The following SMCHD1 variants were observed in gnomAD, a reference collection of about 807,000 sequenced individuals.
The protein encoded by SMCHD1 is structural maintenance of chromosomes flexible hinge domain-containing protein 1.
In SMCHD1, 78 loss-of-function variants were observed where a neutral mutation model predicts 254.7. That is an observed-to-expected ratio of 0.31 (90% confidence interval 0.26 to 0.37). The LOEUF (loss-of-function observed/expected upper bound fraction) is 0.37, where lower values mean the gene tolerates loss of function less well. Ranked by LOEUF, SMCHD1 falls within the 10% of genes least tolerant of loss-of-function variation. The pLI is 1.00. For missense variants in SMCHD1, 1,840 were observed against 2,408.1 expected (o/e 0.76, Z 4.94); for synonymous variants, 766 against 794.9 (o/e 0.96, Z 0.61).
At chr18:2,689,419 C>T (rs1009702493) in intron 7 of SMCHD1, among the ~76,000 whole-genome samples, 1 of 151,804 alleles carries the variant, frequency 6.6e-6, no homozygotes, top group African/African-American at 2.4e-5. Context: ...CAGTGTTTCA[C>T]CATGTTGGCC....
In SMCHD1 at chr18:2,739,419, T is replaced by G; in HGVS notation, c.3426-13T>G. On this transcript the variant is annotated splice_polypyrimidine_tract_variant and intron_variant, in intron 26 of 47. Coordinates refer to ENST00000320876, the MANE Select transcript of SMCHD1 (RefSeq NM_015295.3). ...GTGTCACTAAAGACTTCTAACTTGT[T>G]AAACAATTTCAGACCACTTCCTGAT... 6.2e-7 allele frequency: 1 copy of G among 1,609,056 alleles called. No homozygotes were observed. The highest frequency in any genetic ancestry group is 8.5e-7 in the Non-Finnish European group (1 of 1,175,934).
chr18:2,747,968 A>C (rs954188243), intron 30 of SMCHD1, among the ~76,000 whole-genome samples: 1 of 152,228 alleles, frequency 6.6e-6, no homozygotes, highest in Non-Finnish European at 1.5e-5. Flanking sequence ...GAAGACAGAT[A>C]TCACAGTGAC....
intron 1 of SMCHD1, among the ~76,000 whole-genome samples, chr18:2,656,979 C>T (rs912679975): frequency 6.6e-6 from 1 of 152,156 alleles, no homozygotes; most frequent in Non-Finnish European, 1.5e-5. Context: ...TGAAAATGAA[C>T]GTGGAGGGAA....
At chr18:2,766,001 C>CTTTTTTTTTTTTTTT (rs199648859) in intron 37 of SMCHD1, among the ~76,000 whole-genome samples, 1 of 135,880 alleles carries the variant, frequency 7.4e-6, no homozygotes, top group Non-Finnish European at 1.6e-5. Flanking sequence ...GTCCAGTTTT[C>CTTTTTTTTTTTTTTT]TTTTTTTTTG....
In SMCHD1 at chr18:2,718,340, T is replaced by C. The variant is rs1223225455; in HGVS notation, c.2364T>C (p.Tyr788=). The change falls in exon 19 of 48, where the codon TAT becomes TAC. Residue 788 remains tyrosine, a synonymous_variant. Transcript: ENST00000320876. The surrounding 1 kb of genome is among the most constrained non-coding windows in gnomAD (Gnocchi z 4.6). ...AAAATATTCAGAAGTTGGGGAATTA[T>C]ACCTTGAAATTACAAGTTGTGTTGA... The part of the protein sequence containing the change: ...KMENIQKLGN[Y]TLKLQVVLNE... The C allele has an allele frequency of 1.1e-5, 18 of 1,611,400 alleles. No homozygotes were observed. Among genetic ancestry groups the C allele is most frequent in the Non-Finnish European group, 1.5e-5 (18 of 1,178,000 alleles).
At chr18:2,735,890 T>G (rs1354088391) in intron 25 of SMCHD1, among the ~76,000 whole-genome samples, 1 of 152,084 alleles carries the variant, frequency 6.6e-6, no homozygotes, top group Non-Finnish European at 1.5e-5. Flanking sequence ...TTTCACAGAA[T>G]TGGAAAAAAG....
intron 25 of SMCHD1, among the ~76,000 whole-genome samples, chr18:2,737,054 A>C (rs749952600): frequency 7.2e-5 from 11 of 152,226 alleles, no homozygotes; most frequent in Non-Finnish European, 1.3e-4. Context: ...AAAAAAGAAC[A>C]AAATCATGTC....
chr18:2,762,232 T>G lies in SMCHD1; in HGVS notation c.4562T>G (p.Ile1521Ser). Reference protein sequence around the residue: ...RTLVRDLHLSITDDYDNHTGI... With the variant: ...RTLVRDLHLSSTDDYDNHTGI... ...TTGGTCAGAGATCTACATCTTAGTA[T>G]CACGGTAATGTTTATTTTCTTCCAA... The change falls in exon 36 of 48, where the codon ATC becomes AGC. Residue 1521 changes from isoleucine to serine, a missense_variant. Coordinates refer to ENST00000320876, the MANE Select transcript of SMCHD1 (RefSeq NM_015295.3). 1 of 1,613,360 alleles carries G rather than the reference T, an allele frequency of 6.2e-7. No individual in the cohort carries two copies. Among genetic ancestry groups the G allele is most frequent in the Non-Finnish European group, 8.5e-7 (1 of 1,179,520 alleles).
intron 10 of SMCHD1, among the ~76,000 whole-genome samples, chr18:2,699,283 T>C (rs1051282009): frequency 6.6e-6 from 1 of 152,186 alleles, no homozygotes; most frequent in Non-Finnish European, 1.5e-5. Flanking sequence ...CACTATTTAT[T>C]AAGTGCTCCT....
intron 45 of SMCHD1, among the ~76,000 whole-genome samples, chr18:2,785,739 A>C (rs1204381382): frequency 6.9e-6 from 1 of 145,246 alleles, no homozygotes; most frequent in Non-Finnish European, 1.5e-5. Flanking sequence ...TTCGGTATGC[A>C]CAGTTGAAAC....
chr18:2,693,341 T>C (rs2074219921), intron 7 of SMCHD1, among the ~76,000 whole-genome samples: 1 of 152,346 alleles, frequency 6.6e-6, no homozygotes, highest in Admixed American at 6.5e-5. Context: ...GTGAACATCA[T>C]AGAGTGTACT....
At chr18:2,683,956 G>A (rs923082200) in intron 5 of SMCHD1, among the ~76,000 whole-genome samples, 1 of 152,002 alleles carries the variant, frequency 6.6e-6, no homozygotes, top group African/African-American at 2.4e-5. Flanking sequence ...GTTGGTTCAT[G>A]TTTTATAACC....
At chr18:2,689,427 G>C (rs1490559105) in intron 7 of SMCHD1, among the ~76,000 whole-genome samples, 1 of 151,654 alleles carries the variant, frequency 6.6e-6, no homozygotes, top group Non-Finnish European at 1.5e-5. Context: ...CACCATGTTG[G>C]CCAGGCTGGT....
chr18:2,678,063 CT>C (rs2073796505), intron 5 of SMCHD1, among the ~76,000 whole-genome samples: 1 of 152,210 alleles, frequency 6.6e-6, no homozygotes, highest in South Asian at 2.1e-4. Flanking sequence ...TCTCCTCCCA[CT>C]TTCGTGTACT....
chr18:2,723,031 T>G (rs987509257), intron 20 of SMCHD1, among the ~76,000 whole-genome samples: 1 of 152,212 alleles, frequency 6.6e-6, no homozygotes, highest in Non-Finnish European at 1.5e-5. Flanking sequence ...TATTGGATGT[T>G]GGACCTTCTG....
chr18:2,677,464 C>T (rs2073779126), intron 5 of SMCHD1, among the ~76,000 whole-genome samples: 3 of 152,078 alleles, frequency 2.0e-5, no homozygotes, highest in African/African-American at 7.2e-5. Context: ...ATTTACGTAT[C>T]ATAAAATTCA....
intron 28 of SMCHD1, among the ~76,000 whole-genome samples, chr18:2,742,104 A>G (rs1480192321): frequency 1.3e-5 from 2 of 152,174 alleles, no homozygotes; most frequent in Non-Finnish European, 2.9e-5. Flanking sequence ...CATGCTACCC[A>G]TTAGACCTAT....
chr18:2,775,538 T>C (rs568648279), intron 41 of SMCHD1, among the ~76,000 whole-genome samples, 196 bp from the exon 42 acceptor site: 55 of 152,230 alleles, frequency 3.6e-4, no homozygotes, highest in Non-Finnish European at 7.1e-4. Context: ...GTTTAATCTT[T>C]AGAAAAAGAA....
At chr18:2,709,230 G>A (rs368031569) in intron 17 of SMCHD1, among the ~76,000 whole-genome samples, 3 of 61,824 alleles carry the variant, frequency 4.9e-5, no homozygotes, top group Non-Finnish European at 1.1e-4. Flanking sequence ...ATGTGTATAT[G>A]TGTATATATA....
Sources: gnomAD v4.1 joint callset for allele counts (sites outside exome capture counted in the v4.1 genomes callset) on GRCh38, gnomAD v4.1.1 for gene constraint, Gnocchi (gnomAD v3.1) non-coding constraint, MANE v1.5 for transcripts, NCBI Gene and HGNC (gene_info 2026-07-23, HGNC 2026-07-21) for gene names.